Variants in TRHDE observed in about 807,000 individuals in gnomAD.
The protein encoded by TRHDE is thyrotropin releasing hormone degrading enzyme.
A neutral mutation model predicts 125.7 loss-of-function variants in TRHDE; 72 were observed. That is an observed-to-expected ratio of 0.57 (90% CI 0.47 to 0.70). TRHDE has a LOEUF of 0.70. Among genes scored for constraint, TRHDE ranks in the 30% least tolerant of loss-of-function variants. The pLI is 0.00. For missense variants in TRHDE, 1,110 were observed against 1,327.1 expected, an observed-to-expected ratio of 0.84 and a Z score of 2.54; for synonymous variants, 509 against 509.1, an observed-to-expected ratio of 1.00 and a Z score of 0.00.
intron 3 of TRHDE, among the ~76,000 whole-genome samples, chr12:72,386,107 A>T (rs1355220747): frequency 6.6e-6 from 1 of 152,108 alleles, no homozygotes; most frequent in African/African-American, 2.4e-5. Flanking sequence ...TTACATTTTT[A>T]ATTTGTTTAC....
At position 72,238,369 on chromosome 12, in the gene TRHDE, AC is replaced by A. The variant is rs1249291625; in HGVS notation, n.279+132618del. On this transcript the variant is annotated intron_variant and non_coding_transcript_variant, in intron 2 of 4. Coordinates refer to the TRHDE transcript ENST00000548156. ...TATATATATATATATATATACACAT[AC>A]ATATATATATATTTTTTTTTAACTT... Among the ~76,000 whole-genome samples, 90 of 83,316 alleles carry A rather than the reference AC, an allele frequency of 1.1e-3. 8 individuals carry two copies. The highest frequency in any genetic ancestry group is 3.7e-3 in the African/African-American group (87 of 23,358). 54.7% of individuals were successfully genotyped at this position (83,316 alleles called of 152,430 possible).
intron 9 of TRHDE, among the ~76,000 whole-genome samples, chr12:72,567,649 C>A (rs1216547130): frequency 1.3e-5 from 2 of 151,954 alleles, no homozygotes; most frequent in African/African-American, 4.8e-5. Context: ...CACGCAATAT[C>A]TTGTCTTACA....
chr12:72,201,920 T>G (rs758937611), intron 2 of TRHDE, among the ~76,000 whole-genome samples: 6 of 152,182 alleles, frequency 3.9e-5, no homozygotes, highest in Non-Finnish European at 8.8e-5. Flanking sequence ...ACTACCAAAA[T>G]TTTCATTAAG....
chr12:72,352,795 T>C (rs373245716), intron 2 of TRHDE, among the ~76,000 whole-genome samples: 1 of 151,748 alleles, frequency 6.6e-6, no homozygotes, highest in Admixed American at 6.6e-5. Flanking sequence ...CTATTAACTA[T>C]GGCCTTTTAA....
chr12:72,329,453 AC>A (rs1046388519), intron 2 of TRHDE, among the ~76,000 whole-genome samples: 8 of 152,260 alleles, frequency 5.3e-5, no homozygotes, highest in Admixed American at 2.0e-4. Context: ...AATGCATTGA[AC>A]CCATTTTTAC....
At chr12:72,201,903 G>A (rs908540859) in intron 2 of TRHDE, among the ~76,000 whole-genome samples, 11 of 152,078 alleles carry the variant, frequency 7.2e-5, no homozygotes, top group African/African-American at 2.7e-4. Flanking sequence ...ATAAAACTAT[G>A]GAAGCTACTA....
intron 3 of TRHDE, among the ~76,000 whole-genome samples, chr12:72,450,468 T>C (rs1331092065): frequency 2.0e-5 from 3 of 152,090 alleles, no homozygotes; most frequent in Admixed American, 1.3e-4. Context: ...TGTTTTGAAA[T>C]ATGCATACAT....
At chr12:72,532,077 C>G (rs1868584991) in intron 6 of TRHDE, among the ~76,000 whole-genome samples, 1 of 151,898 alleles carries the variant, frequency 6.6e-6, no homozygotes, top group Non-Finnish European at 1.5e-5. Flanking sequence ...GAATATAGTT[C>G]TTCATTTTTA....
chr12:72,097,674 C>A (rs1297627043), intron 1 of TRHDE, among the ~76,000 whole-genome samples: 2 of 152,044 alleles, frequency 1.3e-5, no homozygotes, highest in African/African-American at 2.4e-5. Flanking sequence ...TGGTCTTGAA[C>A]TCTTGGCCTC....
At chr12:72,243,191 C>G (rs552267783) in intron 2 of TRHDE, among the ~76,000 whole-genome samples, 1 of 152,182 alleles carries the variant, frequency 6.6e-6, no homozygotes, top group Admixed American at 6.5e-5. Context: ...GGACTTCCTG[C>G]GATGAATGCT....
At chr12:72,317,260 T>C (rs998622240) in intron 2 of TRHDE, among the ~76,000 whole-genome samples, 1 of 152,184 alleles carries the variant, frequency 6.6e-6, no homozygotes, top group Admixed American at 6.5e-5. Flanking sequence ...GTTTAATCTC[T>C]GCATGCCTGT....
intron 2 of TRHDE, among the ~76,000 whole-genome samples, chr12:72,261,089 T>A (rs1321265391): frequency 1.3e-5 from 2 of 152,180 alleles, no homozygotes; most frequent in Non-Finnish European, 1.5e-5. Context: ...TAAGAAAGAT[T>A]TAGATTAAAA....
chr12:72,165,880 T>C (rs527556191), intron 2 of TRHDE, among the ~76,000 whole-genome samples: 2 of 152,244 alleles, frequency 1.3e-5, no homozygotes, highest in East Asian at 3.9e-4. Flanking sequence ...TTTCACCGTT[T>C]TAGCCAGGAT....
chr12:72,304,438 C>T (rs1158791278), intron 2 of TRHDE, among the ~76,000 whole-genome samples: 2 of 152,144 alleles, frequency 1.3e-5, no homozygotes, highest in Non-Finnish European at 2.9e-5. Context: ...GAGGATCATA[C>T]ATTAATAAAA....
chr12:72,658,399 A>G (rs2136114545), intron 18 of TRHDE, among the ~76,000 whole-genome samples: 1 of 152,132 alleles, frequency 6.6e-6, no homozygotes, highest in East Asian at 1.9e-4. Context: ...GCACAGAGCA[A>G]AATCTCTCCC....
chr12:72,210,130 G>T (rs1307718018), intron 2 of TRHDE, among the ~76,000 whole-genome samples: 1 of 152,020 alleles, frequency 6.6e-6, no homozygotes, highest in African/African-American at 2.4e-5. Flanking sequence ...TATGAGCTTT[G>T]TAATATCTAG....
intron 3 of TRHDE, among the ~76,000 whole-genome samples, chr12:72,395,792 T>C (rs1014623611): frequency 6.6e-6 from 1 of 152,190 alleles, no homozygotes; most frequent in African/African-American, 2.4e-5. Context: ...CCTTAATCAT[T>C]CTACATTTCT....
chr12:72,497,082 A>G (rs1877950659), intron 5 of TRHDE, among the ~76,000 whole-genome samples: 1 of 152,042 alleles, frequency 6.6e-6, no homozygotes, highest in Non-Finnish European at 1.5e-5. Context: ...ATGCATATAA[A>G]TATTGTTGTT....
chr12:72,474,221 C>T (rs559336208), intron 5 of TRHDE, among the ~76,000 whole-genome samples: 23 of 152,192 alleles, frequency 1.5e-4, no homozygotes, highest in Non-Finnish European at 2.6e-4. Flanking sequence ...ATGCCATAAA[C>T]ATATTCATCA....
Sources: allele counts gnomAD v4.1 joint callset (sites outside exome capture counted in the v4.1 genomes callset), GRCh38; gene constraint gnomAD v4.1.1; transcripts MANE v1.5; gene names NCBI Gene and HGNC (gene_info 2026-07-23, HGNC 2026-07-21).